INPP4B: variants seen among roughly 807,000 people sequenced by gnomAD.
INPP4B encodes inositol polyphosphate-4-phosphatase type II B.
In INPP4B, 55 loss-of-function variants were observed where a neutral mutation model predicts 122.5. The ratio of observed to expected loss-of-function variants is 0.45; its 90% confidence interval spans 0.36 to 0.56. INPP4B has a LOEUF of 0.56. Ranked by LOEUF, INPP4B falls within the 20% of genes least tolerant of loss-of-function variation. The pLI, the probability that INPP4B is intolerant of heterozygous loss-of-function variation, is 0.00. For synonymous variants in INPP4B, 403 were observed against 388.7 expected (o/e 1.04, Z -0.43); for missense variants, 1,000 against 1,097.7 (o/e 0.91, Z 1.26).
intron 2 of INPP4B, among the ~76,000 whole-genome samples, chr4:142,678,983 CA>C (rs1269259637): frequency 6.6e-6 from 1 of 151,558 alleles, no homozygotes; most frequent in African/African-American, 2.4e-5. Flanking sequence ...CTGTTCTAAC[CA>C]AAAAAGGAAA....
chr4:142,336,912 TC>T (rs1776811044), intron 7 of INPP4B, among the ~76,000 whole-genome samples: 1 of 152,356 alleles, frequency 6.6e-6, no homozygotes, highest in African/African-American at 2.4e-5. Context: ...TCTGAGACTT[TC>T]TCCTAATACA....
At chr4:142,662,217 AGAGT>A (rs1366393531) in intron 2 of INPP4B, among the ~76,000 whole-genome samples, 1 of 151,620 alleles carries the variant, frequency 6.6e-6, no homozygotes, top group African/African-American at 2.4e-5. Flanking sequence ...CCTGGGCAAC[AGAGT>A]GAGACTGCCT....
chr4:142,411,458 C>T lies in INPP4B; in HGVS notation c.137-6134G>A, dbSNP rs28578321. The stretch of plus-strand genomic sequence containing the variant: ...ATATAGTCTGATAGAAGCATACCTT[C>T]GAATCTAATGAAAGCTCACCTCTTA... On this transcript the variant is annotated intron_variant, in intron 5 of 25. Transcript: ENST00000262992. Among the ~76,000 whole-genome samples the T allele has an allele frequency of 7.6e-3, 1,162 of 152,252 alleles. 15 individuals are homozygous for T. The highest frequency in any genetic ancestry group is 0.026 in the African/African-American group (1,093 of 41,548).
intron 23 of INPP4B, among the ~76,000 whole-genome samples, chr4:142,088,723 A>G (rs1388848654): frequency 6.6e-6 from 1 of 152,204 alleles, no homozygotes; most frequent in Non-Finnish European, 1.5e-5. Context: ...GGGAACAGAG[A>G]ATGTGCATGA....
intron 2 of INPP4B, among the ~76,000 whole-genome samples, chr4:142,629,704 G>T (rs771514044): frequency 6.6e-6 from 1 of 152,226 alleles, no homozygotes; most frequent in African/African-American, 2.4e-5. Flanking sequence ...AAGAATTAAG[G>T]TGTGAGGGGG....
chr4:142,659,664 T>C (rs145522326), intron 2 of INPP4B, among the ~76,000 whole-genome samples: 1,780 of 152,168 alleles, frequency 0.012, 32 homozygotes, highest in African/African-American at 0.032. Flanking sequence ...TGGGAATAAA[T>C]AGGATGCCCA....
chr4:142,839,234 G>A (rs1432279602), intron 1 of INPP4B, among the ~76,000 whole-genome samples: 2 of 152,152 alleles, frequency 1.3e-5, no homozygotes, highest in Non-Finnish European at 2.9e-5. Flanking sequence ...AAGGCGGGTG[G>A]ATAACCTGAG....
At chr4:142,808,517 C>T (rs1034986551) in intron 1 of INPP4B, among the ~76,000 whole-genome samples, 5 of 152,044 alleles carry the variant, frequency 3.3e-5, no homozygotes, top group Admixed American at 1.3e-4. Flanking sequence ...CATCTTTTTC[C>T]AGGGCAACAG....
intron 3 of INPP4B, among the ~76,000 whole-genome samples, chr4:142,450,810 C>T (rs1172043062): frequency 6.6e-6 from 1 of 152,138 alleles, no homozygotes; most frequent in Non-Finnish European, 1.5e-5. Flanking sequence ...AGCCCTTTCT[C>T]TTTCTATATG....
intron 7 of INPP4B, among the ~76,000 whole-genome samples, chr4:142,325,591 A>G (rs891861105): frequency 3.9e-5 from 6 of 152,370 alleles, no homozygotes; most frequent in African/African-American, 1.2e-4. Flanking sequence ...CTTCCATGCC[A>G]AAAAGAAATA....
chr4:142,293,133 G>A (rs372440887), intron 9 of INPP4B, among the ~76,000 whole-genome samples: 30 of 151,386 alleles, frequency 2.0e-4, no homozygotes, highest in African/African-American at 5.8e-4. Context: ...CCACTTCCTG[G>A]GTTCAAGAGA....
chr4:142,238,444 A>T (rs1243067206), intron 11 of INPP4B, among the ~76,000 whole-genome samples: 1 of 152,058 alleles, frequency 6.6e-6, no homozygotes, highest in Non-Finnish European at 1.5e-5. Flanking sequence ...TATATTTCTG[A>T]ATTTCTTCTG....
At chr4:142,072,563 C>A (rs1225655615) in intron 25 of INPP4B, among the ~76,000 whole-genome samples, 1 of 145,706 alleles carries the variant, frequency 6.9e-6, no homozygotes, top group Non-Finnish European at 1.5e-5. Context: ...TTTTACCTTT[C>A]CTCAATATAG....
chr4:142,114,803 G>A (rs1332977864), intron 21 of INPP4B, among the ~76,000 whole-genome samples: 1 of 151,632 alleles, frequency 6.6e-6, no homozygotes, highest in African/African-American at 2.4e-5. Context: ...CTTCTTTTAT[G>A]GGTCTTGATT....
In INPP4B at chr4:142,324,569, T is replaced by A. The variant is rs1207660065; in HGVS notation, c.373-9807A>T. ...CATGAAAACCCAAATCTCTGCTGAG[T>A]GTTATGCCTGCCAGTTGCCACCTTC... is the stretch of plus-strand genomic sequence containing the variant. On this transcript the variant is annotated intron_variant, in intron 7 of 25. Transcript: ENST00000262992. Among the ~76,000 whole-genome samples, 3 of 152,124 alleles carry A rather than the reference T, an allele frequency of 2.0e-5. No individual in the cohort carries two copies. The East Asian group carries it at 5.8e-4, about 29-fold the overall frequency.
chr4:142,637,776 C>A (rs1749492347), intron 2 of INPP4B, among the ~76,000 whole-genome samples: 2 of 152,184 alleles, frequency 1.3e-5, no homozygotes, highest in South Asian at 2.1e-4. Flanking sequence ...AACTGCCAAG[C>A]TGTTTTCCAA....
intron 2 of INPP4B, among the ~76,000 whole-genome samples, chr4:142,627,209 T>C (rs1746653088): frequency 6.6e-6 from 1 of 152,200 alleles, no homozygotes; most frequent in Non-Finnish European, 1.5e-5. Flanking sequence ...CAGGGACAAT[T>C]TGACTTCCTC....
intron 7 of INPP4B, among the ~76,000 whole-genome samples, chr4:142,346,091 G>T (rs1333481670): frequency 6.6e-6 from 1 of 152,036 alleles, no homozygotes; most frequent in African/African-American, 2.4e-5. Flanking sequence ...CACAGTGGTA[G>T]AAGTAGCTGT....
At chr4:142,402,870 A>C in intron 7 of INPP4B, 68 bp downstream of exon 7, 1 of 816,540 alleles carries the variant, frequency 1.2e-6, no homozygotes. Context: ...TGTCAGTTAC[A>C]CAAAAAATCC....
Sources: gnomAD v4.1 joint callset for allele counts (sites outside exome capture counted in the v4.1 genomes callset) on GRCh38, gnomAD v4.1.1 for gene constraint, MANE v1.5 for transcripts, NCBI Gene and HGNC (gene_info 2026-07-23, HGNC 2026-07-21) for gene names.